Variants in KLF12 observed in about 807,000 individuals in gnomAD.
KLF12 encodes the protein Krueppel-like factor 12.
In KLF12, 9 loss-of-function variants were observed where a neutral mutation model predicts 37.8. The ratio of observed to expected loss-of-function variants is 0.24; its 90% CI spans 0.14 to 0.42. KLF12 has a LOEUF of 0.42. KLF12 is among the 10% of genes least tolerant of loss of function. The probability of loss-of-function intolerance (pLI) is 1.00; values close to 1 mark genes in which losing one functional copy is unlikely to be tolerated. For synonymous variants in KLF12, 208 were observed against 202.1 expected (o/e 1.03, Z -0.25); for missense variants, 411 against 516.0 (o/e 0.80, Z 1.97).
chr13:74,120,477 C>T (rs1044481323), intron 1 of KLF12, among the ~76,000 whole-genome samples: 1 of 149,410 alleles, frequency 6.7e-6, no homozygotes, highest in African/African-American at 2.5e-5. Flanking sequence ...GAGACTGTCT[C>T]AAAAAAATAA....
At chr13:73,970,828 T>C (rs1466613053) in intron 2 of KLF12, among the ~76,000 whole-genome samples, 1 of 152,228 alleles carries the variant, frequency 6.6e-6, no homozygotes, top group African/African-American at 2.4e-5. Context: ...TTCTAACAAA[T>C]GTTTTCTTTG....
chr13:73,893,032 A>G (rs1887587159), intron 3 of KLF12, among the ~76,000 whole-genome samples: 1 of 152,056 alleles, frequency 6.6e-6, no homozygotes, highest in South Asian at 2.1e-4. Context: ...AAGAGAAAAA[A>G]AAAAAAACCC....
chr13:74,012,829 C>T (rs573504712), intron 1 of KLF12, among the ~76,000 whole-genome samples: 22 of 152,170 alleles, frequency 1.4e-4, no homozygotes, highest in Non-Finnish European at 3.1e-4. Flanking sequence ...CATATTATAT[C>T]TAACCACTCA....
intron 3 of KLF12, among the ~76,000 whole-genome samples, chr13:73,937,417 C>G (rs1301588978): frequency 6.6e-6 from 1 of 152,084 alleles, no homozygotes. Flanking sequence ...TCAAAATGCT[C>G]AAATCACTCA....
At chr13:73,953,400 A>C (rs1317952938) in intron 2 of KLF12, among the ~76,000 whole-genome samples, 1 of 152,212 alleles carries the variant, frequency 6.6e-6, no homozygotes, top group African/African-American at 2.4e-5. Context: ...CTACAAACTC[A>C]TGGTTATCAA....
chr13:74,064,951 T>G (rs1039519756), intron 1 of KLF12, among the ~76,000 whole-genome samples: 1 of 152,188 alleles, frequency 6.6e-6, no homozygotes, highest in African/African-American at 2.4e-5. Flanking sequence ...GTATACGTTA[T>G]TCTACTGTTT....
the KLF12 span, among the ~76,000 whole-genome samples, chr13:74,218,925 T>A: frequency 6.6e-6 from 1 of 151,802 alleles, no homozygotes; most frequent in Non-Finnish European, 1.5e-5. Flanking sequence ...TGCATACGCT[T>A]CTTGACTTTT....
the KLF12 span, among the ~76,000 whole-genome samples, chr13:74,206,693 T>A: frequency 6.6e-6 from 1 of 152,214 alleles, no homozygotes; most frequent in African/African-American, 2.4e-5. Flanking sequence ...AGAGATGGTT[T>A]AGGCTACACT....
chr13:74,205,717 C>A, the KLF12 span, among the ~76,000 whole-genome samples: 1 of 151,990 alleles, frequency 6.6e-6, no homozygotes, highest in African/African-American at 2.4e-5. Context: ...GAAGAGTCAA[C>A]CGAAACAAAG....
At chr13:74,138,158 G>T (rs113877730), upstream of KLF12, among the ~76,000 whole-genome samples, 98 of 152,342 alleles carry the variant, frequency 6.4e-4, no homozygotes, top group African/African-American at 2.4e-3. Context: ...AGATTGTAAG[G>T]CTTTGGATTA....
chr13:73,743,005 T>C (rs2137903928), intron 6 of KLF12, among the ~76,000 whole-genome samples: 1 of 144,534 alleles, frequency 6.9e-6, no homozygotes, highest in South Asian at 2.4e-4. Flanking sequence ...GCCATAGGTT[T>C]GTGTTCTCTT....
rs2137682609 is a variant in KLF12, at chr13:73,715,667, G to T, written c.870-142C>A. 3 of 762,780 alleles carry T rather than the reference G, an allele frequency of 3.9e-6. No homozygotes were observed. In the South Asian group the frequency reaches 6.0e-5, roughly 15 times the overall value. 47.3% of individuals were successfully genotyped at this position (762,780 alleles called of 1,614,324 possible). ...CCACAGTTCTTGCTACCACTATCTT[G>T]GGCAGATCTCACTTTTCGAAACCTG... On this transcript the variant is annotated intron_variant, in intron 6 of 7. Coordinates refer to ENST00000377669, the MANE Select transcript of KLF12 (RefSeq NM_007249.5).
At chr13:74,241,551 CGCTGCT>C in the KLF12 span, among the ~76,000 whole-genome samples, 2 of 151,986 alleles carry the variant, frequency 1.3e-5, no homozygotes, top group Admixed American at 1.3e-4. Flanking sequence ...GCCTCGCTGC[CGCTGCT>C]GCCTTGCAGT....
At chr13:74,111,279 T>C (rs116130387) in intron 1 of KLF12, among the ~76,000 whole-genome samples, 3 of 152,188 alleles carry the variant, frequency 2.0e-5, no homozygotes, top group African/African-American at 4.8e-5. Flanking sequence ...ACAGAACAGA[T>C]GGTACTGTAC....
intron 3 of KLF12, among the ~76,000 whole-genome samples, chr13:73,910,650 T>C (rs924772647): frequency 4.6e-5 from 7 of 152,188 alleles, no homozygotes; most frequent in Non-Finnish European, 7.3e-5. Flanking sequence ...TTGAGATCTA[T>C]GGCACAACAG....
At chr13:73,711,409 A>G (rs140438473) in intron 7 of KLF12, among the ~76,000 whole-genome samples, 4,940 of 152,302 alleles carry the variant, frequency 0.032, 88 homozygotes, top group South Asian at 0.095. Context: ...CAAAGGACAG[A>G]TGGACTCTTG....
intron 2 of KLF12, among the ~76,000 whole-genome samples, chr13:73,949,613 A>G (rs923834085): frequency 1.6e-4 from 25 of 152,186 alleles, no homozygotes; most frequent in African/African-American, 5.3e-4. Context: ...ATGGCCTTCA[A>G]TGAAACGCTA....
At chr13:74,232,144 G>A in the KLF12 span, among the ~76,000 whole-genome samples, 149 of 152,288 alleles carry the variant, frequency 9.8e-4, 1 homozygote, top group African/African-American at 3.3e-3. Context: ...GGAAGAGGTT[G>A]TGGGACAGTG....
chr13:73,825,424 C>T (rs1883781974), intron 4 of KLF12, among the ~76,000 whole-genome samples: 1 of 152,226 alleles, frequency 6.6e-6, no homozygotes, highest in South Asian at 2.1e-4. Flanking sequence ...GAGAACACTG[C>T]TATAGTATAC....
Sources: gnomAD v4.1 joint callset for allele counts (sites outside exome capture counted in the v4.1 genomes callset) on GRCh38, gnomAD v4.1.1 for gene constraint, MANE v1.5 for transcripts, NCBI Gene and HGNC (gene_info 2026-07-23, HGNC 2026-07-21) for gene names.